Variants in PIR observed in about 807,000 individuals in gnomAD.
PIR encodes pirin.
A neutral mutation model predicts 24.2 loss-of-function variants in PIR; 22 were observed. The ratio of observed to expected loss-of-function variants is 0.91; its 90% CI spans 0.65 to 1.30. PIR has a LOEUF of 1.30. Ranked by LOEUF, PIR falls within the 50% of genes most tolerant of loss-of-function variation. The probability of loss-of-function intolerance (pLI) is 0.00; values close to 1 mark genes in which losing one functional copy is unlikely to be tolerated. For missense variants in PIR, 220 were observed against 220.3 expected, an observed-to-expected ratio of 1.00 and a Z score of 0.01; for synonymous variants, 80 against 79.6, an observed-to-expected ratio of 1.00 and a Z score of -0.03.
intron 4 of PIR, 70 bp from the exon 5 acceptor site, chrX:15,456,124 C>T (rs1921074622): frequency 1.7e-5 from 15 of 871,009 alleles, no homozygotes; most frequent in Non-Finnish European, 2.5e-5. Flanking sequence ...GGAACAATTA[C>T]AACACCATCA....
At chrX:15,467,489 C>A (rs760581869) in intron 3 of PIR, among the ~76,000 whole-genome samples, 2 of 111,938 alleles carry the variant, frequency 1.8e-5, no homozygotes, top group South Asian at 7.5e-4. Flanking sequence ...GGCAAACTGG[C>A]TATTTCAGGC....
chrX:15,391,537 G>A (rs1023939683), intron 8 of PIR, among the ~76,000 whole-genome samples: 6 of 111,749 alleles, frequency 5.4e-5, no homozygotes, highest in Non-Finnish European at 9.4e-5. Context: ...AAAATCATAC[G>A]TATATCATAC....
At chrX:15,491,994 GTCTT>G (rs1343900967) in intron 1 of PIR, among the ~76,000 whole-genome samples, 5 of 109,610 alleles carry the variant, frequency 4.6e-5, no homozygotes. Flanking sequence ...TGAACACTTT[GTCTT>G]TCTTACTTCA....
In PIR at chrX:15,476,829, T is replaced by C. The variant is rs1051442423; in HGVS notation, c.189+2900A>G. 2.7e-5 allele frequency among the ~76,000 whole-genome samples: 3 copies of C among 112,093 alleles called. No homozygotes were observed. In the Admixed American group the frequency reaches 2.8e-4, roughly 11 times the overall value. On this transcript the variant is annotated intron_variant, in intron 3 of 9. Transcript: ENST00000380420. The stretch of plus-strand genomic sequence containing the variant: ...CAGAAAAGTCGAATAAATACATTTA[T>C]GTTGCTGATGTTGAGGGAAAACAGG...
At chrX:15,405,365 C>A (rs1924521114) in intron 7 of PIR, among the ~76,000 whole-genome samples, 1 of 112,100 alleles carries the variant, frequency 8.9e-6, no homozygotes, top group Non-Finnish European at 1.9e-5. Context: ...TTGGAATAGC[C>A]ACCCAATTTG....
chrX:15,424,401 G>T (rs1925235828), intron 6 of PIR, among the ~76,000 whole-genome samples: 1 of 111,772 alleles, frequency 8.9e-6, no homozygotes, highest in South Asian at 3.8e-4. Flanking sequence ...GACATGAAGG[G>T]TAGGGGTCTG....
At chrX:15,462,194 A>C (rs1380398783) in intron 3 of PIR, among the ~76,000 whole-genome samples, 1 of 112,540 alleles carries the variant, frequency 8.9e-6, no homozygotes, top group South Asian at 3.6e-4. Flanking sequence ...TATAGTGATT[A>C]CTCTAGCAAA....
At chrX:15,394,011 C>A (rs773317748) in intron 8 of PIR, among the ~76,000 whole-genome samples, 1 of 110,679 alleles carries the variant, frequency 9.0e-6, no homozygotes, top group Non-Finnish European at 1.9e-5. Context: ...TTCCCAGCCA[C>A]CCCCATCTGA....
intron 5 of PIR, among the ~76,000 whole-genome samples, chrX:15,428,144 G>A (rs1430735094): frequency 1.8e-5 from 2 of 110,974 alleles, no homozygotes; most frequent in Non-Finnish European, 3.8e-5. Flanking sequence ...AAATTCCCCC[G>A]TGTATATATA....
chrX:15,443,526 A>C lies in PIR; in HGVS notation c.480+12322T>G, dbSNP rs184793768. ...CAATTAATATTCAATAATTTAATTG[A>C]TATTAATCATCATCAATTAATTATT... On this transcript the variant is annotated intron_variant, in intron 5 of 9. Coordinates refer to ENST00000380420, the MANE Select transcript of PIR (RefSeq NM_001018109.3). Among the ~76,000 whole-genome samples the C allele has an allele frequency of 3.4e-3, 383 of 111,683 alleles. 2 individuals are homozygous for C. Among genetic ancestry groups the C allele is most frequent in the African/African-American group, 0.012 (369 of 30,796 alleles).
chrX:15,445,820 CTTTTTTTTT>C (rs1192838504), intron 5 of PIR, among the ~76,000 whole-genome samples: 8 of 64,921 alleles, frequency 1.2e-4, no homozygotes, highest in Non-Finnish European at 1.7e-4. Flanking sequence ...CAAGATATTT[CTTTTTTTTT>C]TTTTTTTTTT....
chrX:15,399,335 C>T (rs1188308678), intron 7 of PIR, among the ~76,000 whole-genome samples: 1 of 112,000 alleles, frequency 8.9e-6, no homozygotes, highest in Non-Finnish European at 1.9e-5. Flanking sequence ...TTGTTGGAGT[C>T]CAAACAACTA....
chrX:15,465,507 C>T (rs918550682), intron 3 of PIR, among the ~76,000 whole-genome samples: 1 of 111,841 alleles, frequency 8.9e-6, no homozygotes, highest in African/African-American at 3.3e-5. Flanking sequence ...CCGTGGGTGG[C>T]TGACGAATTG....
chrX:15,474,232 C>T (rs1009778141), intron 3 of PIR, among the ~76,000 whole-genome samples: 6 of 112,145 alleles, frequency 5.4e-5, no homozygotes, highest in African/African-American at 1.9e-4. Context: ...GGTACAGAAA[C>T]AGCTGGACTG....
intron 3 of PIR, among the ~76,000 whole-genome samples, chrX:15,468,882 A>T (rs1344998842): frequency 6.2e-5 from 7 of 112,787 alleles, no homozygotes; most frequent in Non-Finnish European, 3.7e-5. Context: ...TTAACATATT[A>T]TATAACCTCA....
At chrX:15,463,534 G>A (rs770756531) in intron 3 of PIR, among the ~76,000 whole-genome samples, 5 of 111,921 alleles carry the variant, frequency 4.5e-5, no homozygotes, top group African/African-American at 9.8e-5. Flanking sequence ...GACTCTCCAC[G>A]TTTCATCCTG....
At chrX:15,486,312 G>T (rs58465598) in intron 2 of PIR, among the ~76,000 whole-genome samples, 7 of 33,622 alleles carry the variant, frequency 2.1e-4, no homozygotes, top group East Asian at 4.3e-3. Flanking sequence ...AAAAAAAAAA[G>T]AAGGTCAATC....
intron 7 of PIR, among the ~76,000 whole-genome samples, chrX:15,401,543 G>T (rs1924386179): frequency 9.0e-6 from 1 of 111,278 alleles, no homozygotes; most frequent in Admixed American, 9.5e-5. Context: ...GTTATCTCCT[G>T]AACCTAAAAT....
chrX:15,409,243 C>T (rs1010109018), intron 6 of PIR, among the ~76,000 whole-genome samples: 7 of 97,729 alleles, frequency 7.2e-5, no homozygotes, highest in Non-Finnish European at 1.4e-4. Flanking sequence ...GGACTACAGG[C>T]GCCCGCCACC....
Sources: allele counts gnomAD v4.1 joint callset (sites outside exome capture counted in the v4.1 genomes callset), GRCh38; gene constraint gnomAD v4.1.1; transcripts MANE v1.5; gene names NCBI Gene and HGNC (gene_info 2026-07-23, HGNC 2026-07-21).